The following UNC13C variants were observed in gnomAD, a reference collection of about 807,000 sequenced individuals.
UNC13C encodes the protein protein unc-13 homolog C.
UNC13C carries 174 observed loss-of-function variants against 245.4 expected under a neutral mutation model. The ratio of observed to expected loss-of-function variants is 0.71; its 90% CI spans 0.63 to 0.80. The LOEUF (loss-of-function observed/expected upper bound fraction) is 0.80. Ranked by LOEUF, UNC13C falls within the 30% of genes least tolerant of loss-of-function variation. UNC13C has a pLI of 0.00. For synonymous variants in UNC13C, 992 were observed against 895.1 expected, an observed-to-expected ratio of 1.11 and a Z score of -1.93; for missense variants, 2,829 against 2,602.9, an observed-to-expected ratio of 1.09 and a Z score of -1.89.
chr15:54,010,100 G>A (rs1379213532), intron 1 of UNC13C, among the ~76,000 whole-genome samples: 3 of 152,122 alleles, frequency 2.0e-5, no homozygotes, highest in Non-Finnish European at 4.4e-5. Context: ...TCTGGATTGT[G>A]TAAGGCCCAG....
At chr15:54,494,782 C>G (rs374813958) in intron 20 of UNC13C, 48 bp downstream of exon 20, 27 of 1,589,388 alleles carry the variant, frequency 1.7e-5, no homozygotes, top group Non-Finnish European at 2.0e-5. Flanking sequence ...AATTCACATT[C>G]CTGTAAAATT....
chr15:54,024,980 A>G (rs918255555), intron 2 of UNC13C, among the ~76,000 whole-genome samples: 5 of 152,170 alleles, frequency 3.3e-5, no homozygotes, highest in African/African-American at 1.2e-4. Flanking sequence ...TCATTCATCA[A>G]ACTTGATTTA....
At chr15:53,926,450 G>A in the UNC13C span, among the ~76,000 whole-genome samples, 1 of 152,180 alleles carries the variant, frequency 6.6e-6, no homozygotes, top group African/African-American at 2.4e-5. Context: ...GTATATTAAG[G>A]CATCATGATA....
At chr15:54,021,566 T>G (rs1325711511) in intron 2 of UNC13C, among the ~76,000 whole-genome samples, 1 of 152,242 alleles carries the variant, frequency 6.6e-6, no homozygotes, top group Non-Finnish European at 1.5e-5. Flanking sequence ...TGTGTACATC[T>G]ACTTTTTTAT....
intron 30 of UNC13C, among the ~76,000 whole-genome samples, chr15:54,592,226 C>G (rs1349272023): frequency 1.3e-5 from 2 of 152,080 alleles, no homozygotes; most frequent in Non-Finnish European, 2.9e-5. Flanking sequence ...TATGGTCTAT[C>G]TTGGAGAAAG....
chr15:54,579,669 G>A (rs1375121957), intron 30 of UNC13C, among the ~76,000 whole-genome samples: 1 of 152,176 alleles, frequency 6.6e-6, no homozygotes, highest in East Asian at 1.9e-4. Flanking sequence ...TAAGGCAGAA[G>A]AATGGCTTGA....
At chr15:54,350,047 A>G (rs971266445) in intron 17 of UNC13C, among the ~76,000 whole-genome samples, 1 of 151,710 alleles carries the variant, frequency 6.6e-6, no homozygotes, top group Non-Finnish European at 1.5e-5. Flanking sequence ...GAGTGAGTGC[A>G]GTGGCACGAA....
chr15:54,332,564 T>G (rs962201731), intron 15 of UNC13C, among the ~76,000 whole-genome samples: 4 of 152,044 alleles, frequency 2.6e-5, no homozygotes, highest in African/African-American at 9.7e-5. Flanking sequence ...GTACCATTTG[T>G]TCCTGCAAAG....
intron 30 of UNC13C, among the ~76,000 whole-genome samples, chr15:54,590,710 T>C (rs535444672): frequency 1.3e-5 from 2 of 152,334 alleles, no homozygotes; most frequent in East Asian, 1.9e-4. Context: ...CTTAGGGTTT[T>C]TAAGGTAGAC....
At chr15:54,175,965 T>A (rs1307455611) in intron 4 of UNC13C, among the ~76,000 whole-genome samples, 2 of 152,212 alleles carry the variant, frequency 1.3e-5, no homozygotes, top group African/African-American at 4.8e-5. Flanking sequence ...AGCACTAGTA[T>A]AAAACATATA....
chr15:54,164,104 A>G (rs999535760), intron 4 of UNC13C, among the ~76,000 whole-genome samples: 1 of 152,190 alleles, frequency 6.6e-6, no homozygotes, highest in Non-Finnish European at 1.5e-5. Context: ...CATTATGTGT[A>G]AGTATATTAA....
intron 28 of UNC13C, among the ~76,000 whole-genome samples, chr15:54,553,136 GTATTCTA>G (rs1896918650): frequency 1.1e-5 from 1 of 87,430 alleles, no homozygotes; most frequent in African/African-American, 4.4e-5. Flanking sequence ...ATAATATATA[GTATTCTA>G]TATTACAATA....
intron 19 of UNC13C, among the ~76,000 whole-genome samples, chr15:54,429,273 T>C (rs2040819245): frequency 6.6e-6 from 1 of 151,832 alleles, no homozygotes; most frequent in Non-Finnish European, 1.5e-5. Flanking sequence ...TAAGTGAAAG[T>C]ATTATACGAA....
intron 17 of UNC13C, among the ~76,000 whole-genome samples, chr15:54,376,732 T>C (rs1011571044): frequency 2.0e-5 from 3 of 152,210 alleles, no homozygotes; most frequent in African/African-American, 7.2e-5. Flanking sequence ...GGTAAATCTA[T>C]GCTCTGCTTC....
At chr15:54,443,710 G>T (rs1236212327) in intron 19 of UNC13C, among the ~76,000 whole-genome samples, 1 of 151,902 alleles carries the variant, frequency 6.6e-6, no homozygotes, top group African/African-American at 2.4e-5. Flanking sequence ...TATTTGTGTA[G>T]TTTCCAATAG....
At chr15:54,514,661 G>A (rs557547387) in intron 24 of UNC13C, among the ~76,000 whole-genome samples, 4 of 152,268 alleles carry the variant, frequency 2.6e-5, no homozygotes, top group Admixed American at 2.6e-4. Context: ...GCAGCTCCCT[G>A]CTGCTTTAAC....
downstream of UNC13C, chr15:54,630,279 C>G (rs888828552): frequency 2.0e-5 from 3 of 152,198 alleles, no homozygotes; most frequent in African/African-American, 7.2e-5. Context: ...GTCCCCACTA[C>G]AACCTGCGCT....
At chr15:54,588,389 A>C (rs768055779) in intron 30 of UNC13C, among the ~76,000 whole-genome samples, 1 of 152,246 alleles carries the variant, frequency 6.6e-6, no homozygotes, top group Non-Finnish European at 1.5e-5. Context: ...CCTCATCTGT[A>C]AAATGAGGTT....
chr15:53,897,060 A>G, the UNC13C span, among the ~76,000 whole-genome samples: 2 of 152,216 alleles, frequency 1.3e-5, no homozygotes, highest in Non-Finnish European at 2.9e-5. Context: ...TTGTAGAGAA[A>G]GTAACTGAAC....
Sources: allele counts gnomAD v4.1 joint callset (sites outside exome capture counted in the v4.1 genomes callset), GRCh38; gene constraint gnomAD v4.1.1; transcripts MANE v1.5; gene names NCBI Gene and HGNC (gene_info 2026-07-23, HGNC 2026-07-21).